Variants in PARP6 observed in about 807,000 individuals in gnomAD.
The protein encoded by PARP6 is poly(ADP-ribose) polymerase family member 6, also known as protein mono-ADP-ribosyltransferase PARP6.
Under a neutral mutation model 92.0 loss-of-function variants are expected in PARP6, and 27 were observed. The observed-to-expected ratio is 0.29, with a 90% CI of 0.22 to 0.40. PARP6 has a LOEUF of 0.40. Ranked by LOEUF, PARP6 falls within the 10% of genes least tolerant of loss-of-function variation. PARP6 has a pLI of 1.00. For missense variants in PARP6, 501 were observed against 784.5 expected (o/e 0.64, Z 4.32); for synonymous variants, 272 against 281.2 (o/e 0.97, Z 0.33).
At chr15:72,265,566 G>T in intron 5 of PARP6, 93 bp from the exon 6 acceptor site, 1 of 987,560 alleles carries the variant, frequency 1.0e-6, no homozygotes, top group Non-Finnish European at 1.6e-6. Flanking sequence ...CCTGGGGACA[G>T]GGGAAAGGGA....
At chr15:72,243,956 G>A (rs2083336171) in intron 20 of PARP6, 1 of 152,174 alleles carries the variant, frequency 6.6e-6, no homozygotes, top group South Asian at 2.1e-4. Context: ...ATTCTTCACT[G>A]CTCAGGCTGT....
Position 72,251,215 on chromosome 15 carries a change from G to A in PARP6, c.1300C>T (p.Leu434Phe). 3 of 1,593,760 alleles carry A rather than the reference G, an allele frequency of 1.9e-6. No homozygotes were observed. Among genetic ancestry groups the A allele is most frequent in the Non-Finnish European group, 2.6e-6 (3 of 1,161,436 alleles). ...GGAGAATGGTCACTTACCCTGCTGA[G>A]AGGTAGTTTGACAATGTGTGACCTG... Reference protein sequence around the residue: ...SNRSHIVKLPLSRLKFMHTSH... With the variant: ...SNRSHIVKLPFSRLKFMHTSH... Residue 434 changes from leucine (L) to phenylalanine (F), a missense_variant, in exon 17 of 24, where the codon CTC becomes TTC. Physicochemically the swap from Leu to Phe is conservative, Grantham distance 22. Around this residue, in one of 4 missense-constraint regions of PARP6, gnomAD observed 191 missense variants for 399.1 expected, o/e 0.48. Transcript: ENST00000569795.
rs2084647293 is a variant in PARP6 at position 72,253,519 on chromosome 15, C to T, written c.1192-15G>A. 5 of 1,608,906 alleles carry T rather than the reference C, an allele frequency of 3.1e-6. No homozygotes were observed. The East Asian group carries it at 1.1e-4, about 36-fold the overall frequency. ...AAATATGAGCCCTGTAAGACAATGGCCATAACGTTATCTCCTTGGAGAGGT... is the reference window on the plus strand; with the variant it reads ...AAATATGAGCCCTGTAAGACAATGGTCATAACGTTATCTCCTTGGAGAGGT... On this transcript the variant is annotated splice_polypyrimidine_tract_variant and intron_variant, in intron 15 of 23. Transcript: ENST00000569795.
rs777874645 is a variant in PARP6, at chr15:72,249,324, A to C, written c.1492-10T>G. ...AGGCTGCTCCATGCAGCTTGCAGGG[A>C]AACACCAGGATGAGTAATATGAGCC... On this transcript the variant is annotated splice_polypyrimidine_tract_variant and intron_variant, in intron 19 of 23. Transcript: ENST00000569795. 1 of 1,560,338 alleles carries C rather than the reference A, an allele frequency of 6.4e-7. No individual in the cohort carries two copies. Among genetic ancestry groups the C allele is most frequent in the South Asian group, 1.1e-5 (1 of 87,170 alleles).
intron 4 of PARP6, among the ~76,000 whole-genome samples, chr15:72,266,314 G>A (rs185489994): frequency 1.3e-5 from 2 of 152,294 alleles, no homozygotes; most frequent in Admixed American, 1.3e-4. Flanking sequence ...AGAACAGGCT[G>A]AAGAGTTACA....
chr15:72,257,537 G>T, intron 12 of PARP6, 97 bp from the exon 13 acceptor site: 3 of 942,580 alleles, frequency 3.2e-6, no homozygotes, highest in Non-Finnish European at 5.1e-6. Flanking sequence ...TCTAAAACAG[G>T]GTAGGAATTT....
At chr15:72,252,780 C>A (rs994433183) in intron 16 of PARP6, among the ~76,000 whole-genome samples, 2 of 152,138 alleles carry the variant, frequency 1.3e-5, no homozygotes, top group Non-Finnish European at 2.9e-5. Context: ...CCACTGCACC[C>A]GGCCCTGTAA....
chr15:72,251,428 C>G lies in PARP6; in HGVS notation c.1260-173G>C. The G allele has an allele frequency of 1.0e-5, 5 of 483,582 alleles. No homozygotes were observed. The South Asian group carries it at 1.3e-4, about 12-fold the overall frequency. The allele number at this position is 483,582 out of a possible 1,614,324, so 30.0% of individuals were successfully genotyped here. On this transcript the variant is annotated intron_variant, in intron 16 of 23. Coordinates refer to ENST00000569795, the MANE Select transcript of PARP6 (RefSeq NM_001323532.2). ...CTGGATATTCCTGTGGGTGATAGTG[C>G]TTATGAATAAAAAGGTAAAAAGGAA...
At chr15:72,243,480 A>C (rs1359864462) in intron 20 of PARP6, 1 of 152,242 alleles carries the variant, frequency 6.6e-6, no homozygotes, top group African/African-American at 2.4e-5. Flanking sequence ...AACTAACTTG[A>C]AGAATCCTAC....
Position 72,241,406 on chromosome 15 carries a change from G to T in PARP6, c.*49C>A. 1.5e-6 allele frequency: 2 copies of T among 1,298,062 alleles called. No homozygotes were observed. Among genetic ancestry groups the T allele is most frequent in the South Asian group, 2.4e-5 (2 of 84,434 alleles). The allele number at this position is 1,298,062 out of a possible 1,614,324, so 80.4% of individuals were successfully genotyped here. A position where few individuals can be genotyped will look rare whatever the true frequency, so the allele number is the denominator to read the frequency against. ...TGCTGTACCTGAACACTTTTATGAG[G>T]GCAGATGGATCCTGGGGTAACAGGG... is the stretch of plus-strand genomic sequence containing the variant. On this transcript the variant is annotated 3_prime_UTR_variant, in exon 24 of 24. Coordinates refer to ENST00000569795, the MANE Select transcript of PARP6 (RefSeq NM_001323532.2). The surrounding 1 kb of genome is among the most constrained non-coding windows in gnomAD (Gnocchi z 4.1).
chr15:72,258,181 G>T (rs761772184), intron 11 of PARP6, 49 bp from the exon 12 acceptor site: 2 of 1,344,244 alleles, frequency 1.5e-6, no homozygotes, highest in Non-Finnish European at 2.1e-6. Context: ...GGCACACACA[G>T]ATATGGGAAA....
At chr15:72,249,394 C>T in intron 19 of PARP6, 80 bp from the exon 20 acceptor site, 1 of 756,676 alleles carries the variant, frequency 1.3e-6, no homozygotes, top group South Asian at 1.8e-5. Flanking sequence ...AAGGCTTATC[C>T]AGCCCTCTGT....
intron 16 of PARP6, among the ~76,000 whole-genome samples, chr15:72,252,867 G>A (rs1459107820): frequency 6.6e-6 from 1 of 152,078 alleles, no homozygotes; most frequent in African/African-American, 2.4e-5. Context: ...GCGAAACATG[G>A]AACACCTAAA....
chr15:72,260,446 T>C (rs1331940659), intron 10 of PARP6, 32 bp downstream of exon 10: 9 of 1,566,130 alleles, frequency 5.7e-6, no homozygotes, highest in South Asian at 1.1e-5. Flanking sequence ...ACCCTCCTGA[T>C]AGCCAAGTCA....
chr15:72,245,914 A>G (rs1464960661), intron 20 of PARP6: 2 of 152,250 alleles, frequency 1.3e-5, no homozygotes, highest in African/African-American at 4.8e-5. Context: ...GTGGGCACCA[A>G]GAACCATGAG....
intron 4 of PARP6, 117 bp from the exon 5 acceptor site, chr15:72,266,108 G>A (rs185665384): frequency 2.6e-6 from 2 of 763,418 alleles, no homozygotes; most frequent in African/African-American, 3.5e-5. Flanking sequence ...CAGCAGTATA[G>A]GGGAAGTAAA....
Position 72,241,413 on chromosome 15 carries a change from G to T in PARP6, c.*42C>A. The T allele has an allele frequency of 7.3e-7, 1 of 1,376,358 alleles. No individual in the cohort carries two copies. Among genetic ancestry groups the T allele is most frequent in the Non-Finnish European group, 1.0e-6 (1 of 963,734 alleles). The allele number at this position is 1,376,358 out of a possible 1,614,324, so 85.3% of individuals were successfully genotyped here. ...CCTGAACACTTTTATGAGGGCAGAT[G>T]GATCCTGGGGTAACAGGGGTGGTAC... On this transcript the variant is annotated 3_prime_UTR_variant, in exon 24 of 24. Transcript: ENST00000569795. This position sits in a 1 kb window ranked among gnomAD's most constrained non-coding sequence, Gnocchi z 4.1.
Position 72,242,630 on chromosome 15 carries a change from G to C in PARP6, c.1631C>G (p.Thr544Ser), listed in dbSNP as rs967332063. 66 of 1,600,622 alleles carry C rather than the reference G, an allele frequency of 4.1e-5. No homozygotes were observed. Among genetic ancestry groups the C allele is most frequent in the Non-Finnish European group, 5.4e-5 (63 of 1,167,768 alleles). The change falls in exon 21 of 24, where the codon ACC (threonine) becomes AGC (serine). Residue 544 changes from threonine (T) to serine (S), a missense_variant. Transcript: ENST00000569795. This position sits in a 1 kb window ranked among gnomAD's most constrained non-coding sequence, Gnocchi z 4.3. The stretch of plus-strand genomic sequence containing the variant: ...GAATAGTTCCAATACCTGGGGGATG[G>C]TATTCATCCTGTTGTATCTCTGGAC... Reference protein sequence around the residue: ...ELVQRYNRMNTIPQTRSIQSR... With the variant: ...ELVQRYNRMNSIPQTRSIQSR...
chr15:72,254,089 T>C (rs1358263337), intron 15 of PARP6: 2 of 473,950 alleles, frequency 4.2e-6, no homozygotes, highest in Non-Finnish European at 8.4e-6. Context: ...ATAGAAGATG[T>C]AGGCCCCTGT....
Sources: allele counts gnomAD v4.1 joint callset (sites outside exome capture counted in the v4.1 genomes callset), GRCh38; gene constraint gnomAD v4.1.1; regional missense constraint gnomAD v4.1.1; non-coding constraint Gnocchi (gnomAD v3.1); transcripts MANE v1.5; gene names NCBI Gene and HGNC (gene_info 2026-07-23, HGNC 2026-07-21).